ZNF785: variants seen among roughly 807,000 people sequenced by gnomAD.
The protein encoded by ZNF785 is zinc finger protein 785.
ZNF785 carries 15 observed loss-of-function variants against 11.3 expected under a neutral mutation model. That is an observed-to-expected ratio of 1.32 (90% CI 0.89 to 2.04). ZNF785 has a LOEUF of 2.04. ZNF785 is among the 30% of genes most tolerant of loss of function. The probability of loss-of-function intolerance (pLI) is 0.00; values close to 1 mark genes in which losing one functional copy is unlikely to be tolerated. For missense variants in ZNF785, 572 were observed against 560.9 expected (o/e 1.02, Z -0.20); for synonymous variants, 221 against 231.0 (o/e 0.96, Z 0.39).
At chr16:30,583,662 G>T in intron 2 of ZNF785, 1 of 524,950 alleles carries the variant, frequency 1.9e-6, no homozygotes, top group Non-Finnish European at 3.3e-6. Context: ...TGGTCTGCAG[G>T]TTAACACAAG....
At position 30,582,472 on chromosome 16, in the gene ZNF785, A is replaced by G; in HGVS notation, c.*88T>C. 4 of 1,543,928 alleles carry G rather than the reference A, an allele frequency of 2.6e-6. No homozygotes were observed. Among genetic ancestry groups the G allele is most frequent in the Non-Finnish European group, 3.5e-6 (4 of 1,140,762 alleles). ...CTAAGGCAGAACTTTGTTTTCCTCA[A>G]ACGCCCACTTCCTTTCCTTATCCCC... is the stretch of plus-strand genomic sequence containing the variant. On this transcript the variant is annotated 3_prime_UTR_variant, in exon 3 of 3. Coordinates refer to ENST00000395216, the MANE Select transcript of ZNF785 (RefSeq NM_152458.7).
chr16:30,580,253 T>C (rs2051789485), downstream of ZNF785, among the ~76,000 whole-genome samples: 1 of 149,388 alleles, frequency 6.7e-6, no homozygotes, highest in Non-Finnish European at 1.5e-5. Flanking sequence ...AGTGGCGCTA[T>C]GTTGGCTCAC....
rs774466757 is a variant in ZNF785 at position 30,582,878 on chromosome 16, G to A, written c.900C>T (p.Ala300=). 1.2e-6 allele frequency: 2 copies of A among 1,613,362 alleles called. No individual in the cohort carries two copies. The highest frequency in any genetic ancestry group is 1.1e-5 in the South Asian group (1 of 91,042). Residue 300 remains alanine, a synonymous_variant, in exon 3 of 3, where the codon GCC becomes GCT. Transcript: ENST00000395216. ...SLRFAYTSLL[A]IHRRIHTGEK... The stretch of plus-strand genomic sequence containing the variant: ...CGCCGGTGTGTATGCGCCTGTGGAT[G>A]GCCAGCAGGGAGGTGTAGGCGAAAC...
downstream of ZNF785, among the ~76,000 whole-genome samples, chr16:30,580,169 G>A (rs2051787546): frequency 2.1e-5 from 3 of 143,790 alleles, no homozygotes; most frequent in African/African-American, 7.8e-5. Context: ...TTACAGGCGT[G>A]AGCCACCACA....
chr16:30,580,354 AT>A (rs59682430), downstream of ZNF785, among the ~76,000 whole-genome samples: 33,669 of 111,436 alleles, frequency 0.3, 4,799 homozygotes, highest in South Asian at 0.57. Flanking sequence ...GGCCTGGCTA[AT>A]TTTTTTTTTT....
Position 30,582,907 on chromosome 16 carries a change from G to GGCT in ZNF785, c.868_870dup (p.Ser290dup), listed in dbSNP as rs775692850. On this transcript the variant is annotated inframe_insertion, in exon 3 of 3. Coordinates refer to ENST00000395216, the MANE Select transcript of ZNF785 (RefSeq NM_152458.7). The stretch of plus-strand genomic sequence containing the variant: ...AGCAGGGAGGTGTAGGCGAAACGGA[G>GGCT]GCTGCAATCGGGGCAGCTGTAGGGC... The GGCT allele has an allele frequency of 6.2e-7, 1 of 1,613,422 alleles. No homozygotes were observed. Among genetic ancestry groups the GGCT allele is most frequent in the African/African-American group, 1.3e-5 (1 of 74,786 alleles).
chr16:30,585,523 C>T lies in ZNF785; in HGVS notation c.89G>A (p.Ser30Asn), dbSNP rs1484844324. The change falls in exon 1 of 3, where the codon AGC (serine) becomes AAC (asparagine). Residue 30 changes from serine (S) to asparagine (N), a missense_variant. By Grantham distance (46) the Ser-to-Asn change is conservative. Transcript: ENST00000395216. The surrounding 1 kb of genome is among the most constrained non-coding windows in gnomAD (Gnocchi z 4.0). ...GAAGTACACGGCCACGTCCGCGAAG[C>T]TCACGGCGCCCGGCCTGCTTTCCCT... Reference protein sequence around the residue: ...RTRESRPGAVSFADVAVYFSP... With the variant: ...RTRESRPGAVNFADVAVYFSP... The T allele has an allele frequency of 6.3e-7, 1 of 1,588,300 alleles. No homozygotes were observed. The highest frequency in any genetic ancestry group is 8.6e-7 in the Non-Finnish European group (1 of 1,168,594).
Position 30,583,370 on chromosome 16 carries a change from C to T in ZNF785, c.408G>A (p.Val136=). The change falls in exon 3 of 3, where the codon GTG becomes GTA. Residue 136 remains valine (V), a synonymous_variant. Coordinates refer to ENST00000395216, the MANE Select transcript of ZNF785 (RefSeq NM_152458.7). The part of the protein sequence containing the change: ...CPKQKEVAHE[V]AVKEWWPSVA... The stretch of plus-strand genomic sequence containing the variant: ...CGCTGGGCCACCACTCCTTGACAGC[C>T]ACTTCATGCGCCACCTCTTTTTGTT... 1.2e-6 allele frequency: 2 copies of T among 1,611,172 alleles called. No homozygotes were observed.
Position 30,585,654 on chromosome 16 carries a change from G to C in ZNF785, c.-43C>G. 5.5e-6 allele frequency: 8 copies of C among 1,448,290 alleles called. No homozygotes were observed. Among genetic ancestry groups the C allele is most frequent in the Non-Finnish European group, 7.2e-6 (8 of 1,108,468 alleles). 89.7% of individuals were successfully genotyped at this position (1,448,290 alleles called of 1,614,324 possible). ...TGGCAAAGGGAGGCTTCCGGGGAAG[G>C]TGGAGATGCTGGCGCTTTCCTGTCT... is the stretch of plus-strand genomic sequence containing the variant. On this transcript the variant is annotated 5_prime_UTR_variant, in exon 1 of 3. Coordinates refer to ENST00000395216, the MANE Select transcript of ZNF785 (RefSeq NM_152458.7). The surrounding 1 kb of genome is among the most constrained non-coding windows in gnomAD (Gnocchi z 4.0).
chr16:30,583,488 C>A (rs372785669), intron 2 of ZNF785, 45 bp from the exon 3 acceptor site: 1 of 1,515,946 alleles, frequency 6.6e-7, no homozygotes, highest in Non-Finnish European at 8.8e-7. Flanking sequence ...TCCCTGGATC[C>A]TGAGACAGGA....
chr16:30,583,066 G>A lies in ZNF785; in HGVS notation c.712C>T (p.Arg238Cys), dbSNP rs1343420538. 6.2e-7 allele frequency: 1 copy of A among 1,607,814 alleles called. No individual in the cohort carries two copies. The highest frequency in any genetic ancestry group is 1.1e-5 in the South Asian group (1 of 90,856). Residue 238 changes from arginine to cysteine, a missense_variant, in exon 3 of 3, where the codon CGC becomes TGC. Transcript: ENST00000395216. ...YPCPDCGRRF[R>C]QRGSLAIHRR... The stretch of plus-strand genomic sequence containing the variant: ...TGGATAGCCAGGGAACCCCTCTGGC[G>A]GAAGCGGCGCCCGCAGTCGGGGCAG...
At chr16:30,584,946 A>G (rs147911182) in intron 2 of ZNF785, among the ~76,000 whole-genome samples, 176 bp downstream of exon 2, 121 of 152,228 alleles carry the variant, frequency 7.9e-4, no homozygotes, top group African/African-American at 2.7e-3. Context: ...AATCGGTTCC[A>G]TAGATCCCAA....
rs775785793 is a variant in ZNF785, at chr16:30,582,898, C to G, written c.880G>C (p.Ala294Pro). The change falls in exon 3 of 3, where the codon GCC (alanine) becomes CCC (proline). Residue 294 changes from alanine to proline, a missense_variant. Transcript: ENST00000395216. ...TGGATGGCCAGCAGGGAGGTGTAGG[C>G]GAAACGGAGGCTGCAATCGGGGCAG... ...YSCPDCSLRF[A>P]YTSLLAIHRR... The G allele has an allele frequency of 1.2e-6, 2 of 1,610,676 alleles. No individual in the cohort carries two copies. Among genetic ancestry groups the G allele is most frequent in the Non-Finnish European group, 1.7e-6 (2 of 1,179,276 alleles).
Position 30,585,342 on chromosome 16 carries a change from T to C in ZNF785, c.205+65A>G. 2 of 1,577,014 alleles carry C rather than the reference T, an allele frequency of 1.3e-6. No individual in the cohort carries two copies. Among genetic ancestry groups the C allele is most frequent in the Non-Finnish European group, 1.7e-6 (2 of 1,164,028 alleles). ...GCCCCGCTTCCAGCCCACTAGCCTC[T>C]GGGGACACCGATCACCGCTTCCCAC... On this transcript the variant is annotated intron_variant, in intron 1 of 2. Coordinates refer to ENST00000395216, the MANE Select transcript of ZNF785 (RefSeq NM_152458.7). The surrounding 1 kb of genome is among the most constrained non-coding windows in gnomAD (Gnocchi z 4.0).
rs2051881692 is a variant in ZNF785 at position 30,585,464 on chromosome 16, G to A, written c.148C>T (p.Gln50Ter). The A allele has an allele frequency of 3.1e-6, 5 of 1,603,686 alleles. No individual in the cohort carries two copies. The highest frequency in any genetic ancestry group is 1.3e-5 in the African/African-American group (1 of 74,838). ...PEEWECLRPA[Q>*]RALYRDVMRE... Reference sequence around the variant, plus strand: ...ATCACGTCCCGGTACAGGGCCCTCTGCGCTGGCCGCAGGCATTCCCACTCC... The same window carrying A: ...ATCACGTCCCGGTACAGGGCCCTCTACGCTGGCCGCAGGCATTCCCACTCC... The change falls in exon 1 of 3, where the codon CAG becomes TAG. Residue 50 changes from glutamine to a stop codon, truncating the protein, a stop_gained. Transcript: ENST00000395216. LOFTEE classifies it high-confidence loss of function. The surrounding 1 kb of genome is among the most constrained non-coding windows in gnomAD (Gnocchi z 4.0).
At position 30,585,384 on chromosome 16, in the gene ZNF785, C is replaced by T. The variant is rs750065822; in HGVS notation, c.205+23G>A. On this transcript the variant is annotated intron_variant, in intron 1 of 2. Coordinates refer to ENST00000395216, the MANE Select transcript of ZNF785 (RefSeq NM_152458.7). This position sits in a 1 kb window ranked among gnomAD's most constrained non-coding sequence, Gnocchi z 4.0. The stretch of plus-strand genomic sequence containing the variant: ...GCTTCCCACCGACGGACTGGGGGTC[C>T]CGGCCGGAGGGCCCGGCCTCACCCA... The T allele has an allele frequency of 1.9e-6, 3 of 1,575,390 alleles. No homozygotes were observed. The highest frequency in any genetic ancestry group is 2.6e-6 in the Non-Finnish European group (3 of 1,162,482).
In ZNF785 at chr16:30,583,265, G is replaced by T. The variant is rs1005389178; in HGVS notation, c.513C>A (p.Pro171=). 11 of 1,613,804 alleles carry T rather than the reference G, an allele frequency of 6.8e-6. No homozygotes were observed. The highest frequency in any genetic ancestry group is 1.3e-5 in the African/African-American group (1 of 75,050). Residue 171 remains proline (P), a synonymous_variant, in exon 3 of 3, where the codon CCC becomes CCA. Transcript: ENST00000395216. ...WLKDTLTRRL[P]HSCPDCGRNF... is the part of the protein sequence containing the mutation. ...TGCGGCCACAGTCTGGGCAAGAGTGGGGCAGTCTTCGGGTCAGAGTGTCCT... is the reference window on the plus strand; with the variant it reads ...TGCGGCCACAGTCTGGGCAAGAGTGTGGCAGTCTTCGGGTCAGAGTGTCCT...
rs201848622 is a variant in ZNF785, at chr16:30,582,673, G to C, written c.1105C>G (p.Arg369Gly). The C allele has an allele frequency of 6.2e-6, 10 of 1,614,092 alleles. No individual in the cohort carries two copies. Among genetic ancestry groups the C allele is most frequent in the Non-Finnish European group, 7.6e-6 (9 of 1,180,004 alleles). ...RWIHRSCSERRAWQQAVVGRS... is the reference protein window; with the variant it reads ...RWIHRSCSERGAWQQAVVGRS... The stretch of plus-strand genomic sequence containing the variant: ...CCCACCACGGCCTGCTGCCACGCGC[G>C]CCTCTCGCTGCAGGAGCGGTGGATC... The change falls in exon 3 of 3, where the codon CGC (arginine) becomes GGC (glycine). Residue 369 changes from arginine to glycine, a missense_variant. By Grantham distance (125) the Arg-to-Gly change is moderately radical (BLOSUM62 -2). Transcript: ENST00000395216.
downstream of ZNF785, among the ~76,000 whole-genome samples, chr16:30,580,148 A>C (rs1311275390): frequency 6.7e-6 from 1 of 148,366 alleles, no homozygotes; most frequent in Non-Finnish European, 1.5e-5. Context: ...CAGCCTCCCA[A>C]AGTGCTGGGA....
Sources: allele counts gnomAD v4.1 joint callset (sites outside exome capture counted in the v4.1 genomes callset), GRCh38; gene constraint gnomAD v4.1.1; non-coding constraint Gnocchi (gnomAD v3.1); transcripts MANE v1.5; gene names NCBI Gene and HGNC (gene_info 2026-07-23, HGNC 2026-07-21).